The following TENM3 variants were observed in gnomAD, a reference collection of about 807,000 sequenced individuals.
The protein encoded by TENM3 is teneurin transmembrane protein 3, also known as teneurin-3.
TENM3 carries 63 observed loss-of-function variants against 255.1 expected under a neutral mutation model. The observed-to-expected ratio is 0.25, with a 90% CI of 0.20 to 0.30. TENM3 has a LOEUF of 0.30. TENM3 is among the 10% of genes least tolerant of loss of function. The pLI, the probability that TENM3 is intolerant of heterozygous loss-of-function variation, is 1.00. For synonymous variants in TENM3, 1,306 were observed against 1,322.3 expected (o/e 0.99, Z 0.27); for missense variants, 2,929 against 3,461.1 (o/e 0.85, Z 3.86).
chr4:182,739,142 A>G (rs1761411641), intron 18 of TENM3, among the ~76,000 whole-genome samples: 2 of 152,208 alleles, frequency 1.3e-5, no homozygotes, highest in South Asian at 4.2e-4. Context: ...ATATTAGGGG[A>G]AAAAATGAAT....
rs143136893 is a variant in TENM3, at chr4:182,687,844, A to G, written c.2036-322A>G. Among the ~76,000 whole-genome samples the G allele has an allele frequency of 3.8e-3, 571 of 152,080 alleles. 3 individuals carry two copies. Among genetic ancestry groups the G allele is most frequent in the African/African-American group, 0.013 (531 of 41,490 alleles). ...GTGATAGGTGTATATAAATATGACC[A>G]CCCTCTATATATGTAATGTTTTCTA... On this transcript the variant is annotated intron_variant, in intron 11 of 27. Transcript: ENST00000511685.
At chr4:182,553,895 C>G (rs1011198511) in intron 3 of TENM3, among the ~76,000 whole-genome samples, 1 of 152,194 alleles carries the variant, frequency 6.6e-6, no homozygotes, top group Non-Finnish European at 1.5e-5. Context: ...CCCCTTAACT[C>G]AATCTTTTCT....
intron 1 of TENM3, among the ~76,000 whole-genome samples, chr4:182,164,607 A>G (rs556985758): frequency 7.1e-4 from 108 of 152,320 alleles, no homozygotes; most frequent in African/African-American, 2.5e-3. Flanking sequence ...AACAGTGCAT[A>G]AAACATAATA....
At chr4:182,429,469 T>G (rs1478092790) in intron 3 of TENM3, among the ~76,000 whole-genome samples, 1 of 152,216 alleles carries the variant, frequency 6.6e-6, no homozygotes, top group African/African-American at 2.4e-5. Flanking sequence ...TAGAAATACT[T>G]AAGTACTTAT....
At chr4:182,758,018 C>A (rs1475828826) in intron 22 of TENM3, among the ~76,000 whole-genome samples, 1 of 151,998 alleles carries the variant, frequency 6.6e-6, no homozygotes, top group Admixed American at 6.5e-5. Context: ...GTTTAACAAA[C>A]CAGTGTTTAA....
chr4:182,052,539 T>A, the TENM3 span, among the ~76,000 whole-genome samples: 1 of 152,268 alleles, frequency 6.6e-6, no homozygotes, highest in Middle Eastern at 3.4e-3. Context: ...AGGTTGTACC[T>A]TTTCCCTCGT....
At chr4:181,818,221 G>C in the TENM3 span, among the ~76,000 whole-genome samples, 4 of 152,164 alleles carry the variant, frequency 2.6e-5, no homozygotes, top group Non-Finnish European at 5.9e-5. Context: ...TCTATTCTAG[G>C]TGTTACCATG....
At chr4:181,608,430 G>A in the TENM3 span, among the ~76,000 whole-genome samples, 2 of 152,178 alleles carry the variant, frequency 1.3e-5, no homozygotes, top group Non-Finnish European at 2.9e-5. Flanking sequence ...GATGTAGTGT[G>A]CTAAGAAAGG....
the TENM3 span, among the ~76,000 whole-genome samples, chr4:181,886,750 TA>T: frequency 2.0e-5 from 3 of 152,248 alleles, no homozygotes; most frequent in African/African-American, 7.2e-5. Flanking sequence ...AAATTTGGTT[TA>T]AAAATCTTAC....
At chr4:182,273,903 A>G (rs1759821666) in intron 1 of TENM3, among the ~76,000 whole-genome samples, 1 of 152,258 alleles carries the variant, frequency 6.6e-6, no homozygotes, top group Non-Finnish European at 1.5e-5. Context: ...AAAGCATGGA[A>G]ATAGTTATCT....
chr4:182,561,665 T>C (rs1743197430), intron 3 of TENM3, among the ~76,000 whole-genome samples: 1 of 152,098 alleles, frequency 6.6e-6, no homozygotes, highest in African/African-American at 2.4e-5. Flanking sequence ...GGATAAACAA[T>C]TTCAGTTTTT....
the TENM3 span, among the ~76,000 whole-genome samples, chr4:181,527,447 C>A: frequency 2.0e-5 from 3 of 152,032 alleles, no homozygotes; most frequent in African/African-American, 4.8e-5. Context: ...CGGCTCTCTG[C>A]AACCTCTGCC....
the TENM3 span, among the ~76,000 whole-genome samples, chr4:182,026,589 T>G: frequency 6.6e-6 from 1 of 152,188 alleles, no homozygotes; most frequent in East Asian, 1.9e-4. Flanking sequence ...AGTTTCATAG[T>G]TTGAGGTCTT....
chr4:182,768,122 A>G (rs1472244509), intron 22 of TENM3, among the ~76,000 whole-genome samples: 1 of 152,166 alleles, frequency 6.6e-6, no homozygotes, highest in Non-Finnish European at 1.5e-5. Context: ...TCACTCCGCA[A>G]AAGAGCCCAC....
chr4:182,180,813 G>A (rs1336465681), intron 1 of TENM3, among the ~76,000 whole-genome samples: 3 of 151,462 alleles, frequency 2.0e-5, no homozygotes, highest in Non-Finnish European at 4.4e-5. Context: ...TTTTTCAGAA[G>A]TACCTGTAGT....
intron 1 of TENM3, among the ~76,000 whole-genome samples, chr4:182,286,376 A>G (rs1760728739): frequency 6.6e-6 from 1 of 152,212 alleles, no homozygotes; most frequent in East Asian, 1.9e-4. Context: ...CTGTTCAACC[A>G]GAGATTGGAA....
chr4:182,541,924 G>A (rs115067518), intron 3 of TENM3, among the ~76,000 whole-genome samples: 6,457 of 151,866 alleles, frequency 0.043, 153 homozygotes, highest in Middle Eastern at 0.062. Context: ...TTAGCGAGGC[G>A]TAGTGGCGCA....
chr4:182,578,955 A>G (rs1581001517), intron 3 of TENM3, among the ~76,000 whole-genome samples: 1 of 152,214 alleles, frequency 6.6e-6, no homozygotes, highest in East Asian at 1.9e-4. Flanking sequence ...CCCCGGCACA[A>G]AGCAAATGTT....
chr4:182,524,729 A>G (rs756893474), intron 3 of TENM3, among the ~76,000 whole-genome samples: 23 of 151,616 alleles, frequency 1.5e-4, no homozygotes, highest in Non-Finnish European at 3.1e-4. Context: ...TTTTTAAGAC[A>G]AGAGGGGGCC....
Sources: gnomAD v4.1 joint callset for allele counts (sites outside exome capture counted in the v4.1 genomes callset) on GRCh38, gnomAD v4.1.1 for gene constraint, MANE v1.5 for transcripts, NCBI Gene and HGNC (gene_info 2026-07-23, HGNC 2026-07-21) for gene names.